Variants in OTOG observed in about 807,000 individuals in gnomAD.
OTOG encodes the protein otogelin.
Under a neutral mutation model 313.8 loss-of-function variants are expected in OTOG, and 296 were observed. The ratio of observed to expected loss-of-function variants is 0.94; its 90% CI spans 0.86 to 1.04. The LOEUF is 1.04. Ranked by LOEUF, OTOG falls within the 50% of genes least tolerant of loss-of-function variation. The pLI is 0.00. For missense variants in OTOG, 3,948 were observed against 3,840.1 expected (o/e 1.03, Z -0.74); for synonymous variants, 1,533 against 1,554.9 (o/e 0.99, Z 0.33).
rs1318223108 is a variant in OTOG, at chr11:17,593,748, C to T, written c.3280C>T (p.Gln1094Ter). 6.5e-7 allele frequency: 1 copy of T among 1,548,444 alleles called. No individual in the cohort carries two copies. Among genetic ancestry groups the T allele is most frequent in the Non-Finnish European group, 8.7e-7 (1 of 1,146,822 alleles). ...RTTVHVQAGP[Q>*]WQGQLAGLCG... ...CACAGTGCACGTCCAGGCTGGGCCT[C>T]AGTGGCAGGTACTTACATGAGCAGT... Residue 1094 changes from glutamine (Q) to a stop codon, truncating the protein, a stop_gained, in exon 27 of 56, where the codon CAG becomes TAG. Coordinates refer to ENST00000399397, the MANE Select transcript of OTOG (RefSeq NM_001292063.2). LOFTEE classifies it high-confidence loss of function.
chr11:17,596,116 A>G lies in OTOG; in HGVS notation c.3487A>G (p.Ile1163Val), dbSNP rs1326090113. The G allele has an allele frequency of 1.3e-6, 2 of 1,550,578 alleles. No individual in the cohort carries two copies. Among genetic ancestry groups the G allele is most frequent in the East Asian group, 2.4e-5 (1 of 40,902 alleles). The change falls in exon 29 of 56, where the codon ATC becomes GTC. Residue 1163 changes from isoleucine (I) to valine (V), a missense_variant. Transcript: ENST00000399397. The stretch of plus-strand genomic sequence containing the variant: ...ACCATTTGCCAAGAAGGAGTGCAGC[A>G]TCCTGCTCAGTGAGGTGTTTGAGAT... ...REPFAKKECS[I>V]LLSEVFEICH...
Position 17,632,841 on chromosome 11 carries a change from C to T in OTOG, c.7072+615C>T, listed in dbSNP as rs528317535. On this transcript the variant is annotated intron_variant, in intron 42 of 55. Coordinates refer to ENST00000399397, the MANE Select transcript of OTOG (RefSeq NM_001292063.2). ...GGATTGGCTCACAGGAAGTCCACAC[C>T]CACAATATGACAAGTAAAAGAGGAA... is the stretch of plus-strand genomic sequence containing the variant. Among the ~76,000 whole-genome samples, 6 of 152,174 alleles carry T rather than the reference C, an allele frequency of 3.9e-5. No individual in the cohort carries two copies. The East Asian group carries it at 1.2e-3, about 29-fold the overall frequency.
chr11:17,614,025 C>T (rs1853664608), intron 39 of OTOG, among the ~76,000 whole-genome samples: 1 of 152,048 alleles, frequency 6.6e-6, no homozygotes, highest in African/African-American at 2.4e-5. Context: ...TTCACAAAAA[C>T]CTATGACCAC....
rs1377896575 is a variant in OTOG, at chr11:17,641,066, T to C, written c.8165T>C (p.Val2722Ala). ...TNFYQINTTS[V>A]LCDIHCEANQ... The stretch of plus-strand genomic sequence containing the variant: ...TTCTACCAGATCAACACCACCTCCG[T>C]GCTCTGTGACATCCACTGTGAGGCG... Residue 2722 changes from valine (V) to alanine (A), a missense_variant, in exon 51 of 56, where the codon GTG becomes GCG. Physicochemically the swap from Val to Ala is moderately conservative, Grantham distance 64. Transcript: ENST00000399397. 11 of 1,336,362 alleles carry C rather than the reference T, an allele frequency of 8.2e-6. No homozygotes were observed. Among genetic ancestry groups the C allele is most frequent in the Non-Finnish European group, 9.8e-6 (10 of 1,017,706 alleles). 82.8% of individuals were successfully genotyped at this position (1,336,362 alleles called of 1,614,324 possible).
At position 17,605,867 on chromosome 11, in the gene OTOG, G is replaced by T. The variant is rs910959399; in HGVS notation, c.3888G>T (p.Val1296=). 5.8e-6 allele frequency: 9 copies of T among 1,543,808 alleles called. No homozygotes were observed. Among genetic ancestry groups the T allele is most frequent in the East Asian group, 2.5e-5 (1 of 40,784 alleles). Residue 1296 remains valine (V), a synonymous_variant, in exon 33 of 56, where the codon GTG becomes GTT. Coordinates refer to ENST00000399397, the MANE Select transcript of OTOG (RefSeq NM_001292063.2). Reference sequence around the variant, plus strand: ...TGTGGTTCTCTGCAGACCCAGATGTGGTGTCCCTGGAGGCAGCAGACAGAC... The same window carrying T: ...TGTGGTTCTCTGCAGACCCAGATGTTGTGTCCCTGGAGGCAGCAGACAGAC... ...LYKAKAHDPD[V]VSLEAADRPN...
chr11:17,609,146 C>G lies in OTOG; in HGVS notation c.4291C>G (p.Pro1431Ala). Residue 1431 changes from proline to alanine, a missense_variant, in exon 35 of 56, where the codon CCT (proline) becomes GCT (alanine). Physicochemically the swap from Pro to Ala is conservative, Grantham distance 27. Coordinates refer to ENST00000399397, the MANE Select transcript of OTOG (RefSeq NM_001292063.2). ...RDVPRVEGCVPVCPTPQVLDE... is the reference protein window; with the variant it reads ...RDVPRVEGCVAVCPTPQVLDE... Reference sequence around the variant, plus strand: ...TGTCCTCAGGGTAGAAGGCTGTGTCCCTGTGTGCCCCACCCCCCAGGTCCT... The same window carrying G: ...TGTCCTCAGGGTAGAAGGCTGTGTCGCTGTGTGCCCCACCCCCCAGGTCCT... The G allele has an allele frequency of 1.3e-6, 2 of 1,550,490 alleles. No homozygotes were observed. Among genetic ancestry groups the G allele is most frequent in the Non-Finnish European group, 1.7e-6 (2 of 1,146,902 alleles).
At chr11:17,613,178 CT>C (rs199499123) in intron 38 of OTOG, among the ~76,000 whole-genome samples, 8 of 99,474 alleles carry the variant, frequency 8.0e-5, no homozygotes, top group Non-Finnish European at 1.2e-4. Context: ...CCTTTTCTTT[CT>C]TTCTTTCTTT....
chr11:17,589,293 A>C (rs758342992), intron 24 of OTOG, among the ~76,000 whole-genome samples: 2 of 151,912 alleles, frequency 1.3e-5, no homozygotes, highest in Non-Finnish European at 2.9e-5. Context: ...CTAGATAACT[A>C]TTCCACTCTT....
At chr11:17,613,195 T>TTTTCTCTC (rs1853616296) in intron 38 of OTOG, among the ~76,000 whole-genome samples, 4 of 65,328 alleles carry the variant, frequency 6.1e-5, no homozygotes, top group Admixed American at 6.0e-4. Flanking sequence ...TCTTTCTTTC[T>TTTTCTCTC]TTTCTTTCTT....
intron 28 of OTOG, 54 bp downstream of exon 28, chr11:17,594,220 A>G: frequency 6.5e-7 from 1 of 1,548,724 alleles, no homozygotes. Flanking sequence ...GGGCGCTGCC[A>G]GCACTGAACC....
chr11:17,630,353 G>A (rs1854092174), intron 40 of OTOG, among the ~76,000 whole-genome samples: 1 of 152,160 alleles, frequency 6.6e-6, no homozygotes, highest in Non-Finnish European at 1.5e-5. Flanking sequence ...GTGGTCAGCA[G>A]TAGCCTGGTG....
Position 17,634,190 on chromosome 11 carries a change from C to T in OTOG, c.7389C>T (p.Cys2463=). The change falls in exon 44 of 56, where the codon TGC becomes TGT. Residue 2463 remains cysteine, a synonymous_variant. Transcript: ENST00000399397. ...PDTIVPVDLG[C]PSPRPESCLR... ...CCATTGTCCCGGTGGATCTGGGCTG[C>T]CCCAGTCCCCGCCCTGAGAGCTGCC... 2 of 1,550,344 alleles carry T rather than the reference C, an allele frequency of 1.3e-6. No homozygotes were observed. The highest frequency in any genetic ancestry group is 2.4e-5 in the South Asian group (2 of 84,042).
chr11:17,586,204 G>C (rs183772712), intron 23 of OTOG, among the ~76,000 whole-genome samples: 1 of 152,340 alleles, frequency 6.6e-6, no homozygotes, highest in African/African-American at 2.4e-5. Context: ...CACCTGGTCA[G>C]TAGGGCTGTG....
chr11:17,643,626 TGA>T lies in OTOG; in HGVS notation c.8461+122_8461+123del, dbSNP rs1000042737. Reference sequence around the variant, plus strand: ...ACCTAAAATGATAGCTCTTCTGGGCTGAGTAGATGAAGGGATAACACCCACAC... The same window carrying T: ...ACCTAAAATGATAGCTCTTCTGGGCTGTAGATGAAGGGATAACACCCACAC... On this transcript the variant is annotated intron_variant, in intron 54 of 55. Coordinates refer to ENST00000399397, the MANE Select transcript of OTOG (RefSeq NM_001292063.2). The T allele has an allele frequency of 1.2e-5, 8 of 666,590 alleles. No individual in the cohort carries two copies. The African/African-American group carries it at 1.5e-4, about 12-fold the overall frequency. The allele number at this position is 666,590 out of a possible 1,614,324, so 41.3% of individuals were successfully genotyped here.
intron 33 of OTOG, among the ~76,000 whole-genome samples, chr11:17,607,992 C>A (rs1247353068): frequency 6.6e-6 from 1 of 152,112 alleles, no homozygotes; most frequent in Non-Finnish European, 1.5e-5. Context: ...CTTCTTCGGT[C>A]ACCCTTCGAA....
At chr11:17,636,827 C>T (rs1316341821) in intron 47 of OTOG, among the ~76,000 whole-genome samples, 1 of 152,028 alleles carries the variant, frequency 6.6e-6, no homozygotes, top group African/African-American at 2.4e-5. Context: ...TGTCTACCAG[C>T]TGTGCAGCCC....
intron 6 of OTOG, 80 bp downstream of exon 6, chr11:17,553,599 ATAGT>A (rs1851994024): frequency 8.1e-7 from 1 of 1,230,928 alleles, no homozygotes; most frequent in African/African-American, 1.5e-5. Flanking sequence ...TCTACTTGTC[ATAGT>A]TAGAGAGACT....
intron 39 of OTOG, among the ~76,000 whole-genome samples, chr11:17,620,546 T>C (rs532273182): frequency 3.9e-5 from 6 of 152,272 alleles, no homozygotes; most frequent in Non-Finnish European, 5.9e-5. Context: ...AGTGCTGTTA[T>C]GAAGTTCCAC....
At chr11:17,576,807 G>A (rs1282061118) in intron 21 of OTOG, 61 bp from the exon 22 acceptor site, 1 of 1,536,556 alleles carries the variant, frequency 6.5e-7, no homozygotes, top group East Asian at 2.4e-5. Context: ...GCAGCAACAT[G>A]GGGTGTCTGG....
Sources: allele counts gnomAD v4.1 joint callset (sites outside exome capture counted in the v4.1 genomes callset), GRCh38; gene constraint gnomAD v4.1.1; transcripts MANE v1.5; gene names NCBI Gene and HGNC (gene_info 2026-07-23, HGNC 2026-07-21).